HIPK3: variants seen among roughly 807,000 people sequenced by gnomAD.
HIPK3 encodes homeodomain interacting protein kinase 3, also known as homeodomain-interacting protein kinase 3.
In HIPK3, 47 loss-of-function variants were observed where a neutral mutation model predicts 124.2. The ratio of observed to expected loss-of-function variants is 0.38; its 90% CI spans 0.30 to 0.48. The LOEUF is 0.48. Among genes scored for constraint, HIPK3 ranks in the 20% least tolerant of loss-of-function variants. The pLI, the probability that HIPK3 is intolerant of heterozygous loss-of-function variation, is 0.98. For missense variants in HIPK3, 1,286 were observed against 1,454.3 expected, an observed-to-expected ratio of 0.88 and a Z score of 1.88; for synonymous variants, 482 against 515.2, an observed-to-expected ratio of 0.94 and a Z score of 0.87.
At chr11:33,342,789 A>G (rs1590189028) in intron 8 of HIPK3, among the ~76,000 whole-genome samples, 1 of 152,088 alleles carries the variant, frequency 6.6e-6, no homozygotes, top group African/African-American at 2.4e-5. Flanking sequence ...CAGGTGATCC[A>G]CCTGCCTCGG....
chr11:33,350,821 T>C (rs1853636349), intron 14 of HIPK3, among the ~76,000 whole-genome samples: 1 of 152,232 alleles, frequency 6.6e-6, no homozygotes, highest in South Asian at 2.1e-4. Flanking sequence ...GCCAAAGCTC[T>C]ATGGAAAATA....
chr11:33,289,453 AAAGT>A (rs1851642046), intron 2 of HIPK3, among the ~76,000 whole-genome samples: 1 of 152,114 alleles, frequency 6.6e-6, no homozygotes, highest in African/African-American at 2.4e-5. Context: ...AAAAAAAAAT[AAAGT>A]GTGTATTAGG....
chr11:33,312,181 TA>T (rs1303845871), intron 2 of HIPK3, among the ~76,000 whole-genome samples: 1 of 152,162 alleles, frequency 6.6e-6, no homozygotes, highest in Non-Finnish European at 1.5e-5. Context: ...TTTATGTGTA[TA>T]TTTTTTCTAG....
At chr11:33,263,472 C>T (rs1483133512) in intron 1 of HIPK3, among the ~76,000 whole-genome samples, 1 of 152,134 alleles carries the variant, frequency 6.6e-6, no homozygotes, top group Non-Finnish European at 1.5e-5. Flanking sequence ...CCTGCCACCA[C>T]ACCTGGCTAA....
intron 1 of HIPK3, among the ~76,000 whole-genome samples, chr11:33,265,199 G>A (rs909203025): frequency 1.2e-4 from 19 of 152,190 alleles, no homozygotes; most frequent in African/African-American, 4.3e-4. Context: ...ATAACCTATA[G>A]CTATGATGCT....
At chr11:33,300,828 C>T (rs1565073106) in intron 2 of HIPK3, among the ~76,000 whole-genome samples, 1 of 152,110 alleles carries the variant, frequency 6.6e-6, no homozygotes, top group Non-Finnish European at 1.5e-5. Flanking sequence ...TCCACCCCGC[C>T]GGGCTCATAT....
At chr11:33,322,246 G>A (rs1352641252) in intron 2 of HIPK3, among the ~76,000 whole-genome samples, 1 of 152,058 alleles carries the variant, frequency 6.6e-6, no homozygotes, top group Admixed American at 6.6e-5. Flanking sequence ...TGATCTGCCT[G>A]CCTCGGCCTC....
chr11:33,263,402 G>A (rs1850876292), intron 1 of HIPK3, among the ~76,000 whole-genome samples: 1 of 152,154 alleles, frequency 6.6e-6, no homozygotes, highest in East Asian at 1.9e-4. Context: ...TACAACCTCC[G>A]CCTCCGGGGT....
chr11:33,283,639 G>A (rs1274184756), intron 1 of HIPK3, among the ~76,000 whole-genome samples: 1 of 151,798 alleles, frequency 6.6e-6, no homozygotes, highest in Non-Finnish European at 1.5e-5. Context: ...ATTGACTATG[G>A]GCCAGTTACC....
intron 2 of HIPK3, among the ~76,000 whole-genome samples, chr11:33,300,964 C>T (rs1295595125): frequency 6.6e-6 from 1 of 152,078 alleles, no homozygotes; most frequent in African/African-American, 2.4e-5. Flanking sequence ...CTGAAGCAAT[C>T]TGCCAGTGTT....
At chr11:33,271,102 G>A (rs536919776) in intron 1 of HIPK3, among the ~76,000 whole-genome samples, 2 of 152,268 alleles carry the variant, frequency 1.3e-5, no homozygotes, top group East Asian at 1.9e-4. Flanking sequence ...AAATGATACT[G>A]CCTTAGTGGT....
intron 1 of HIPK3, among the ~76,000 whole-genome samples, chr11:33,274,178 C>T (rs1851211603): frequency 6.6e-6 from 1 of 152,164 alleles, no homozygotes; most frequent in South Asian, 2.1e-4. Context: ...TTGCTGTCAG[C>T]AGTGGGCATT....
At chr11:33,307,596 C>T (rs1460215353) in intron 2 of HIPK3, among the ~76,000 whole-genome samples, 1 of 149,768 alleles carries the variant, frequency 6.7e-6, no homozygotes, top group Non-Finnish European at 1.5e-5. Flanking sequence ...TTAGTAGAGA[C>T]GGGGTTTCAC....
chr11:33,272,243 C>T (rs1177551703), intron 1 of HIPK3, among the ~76,000 whole-genome samples: 2 of 151,940 alleles, frequency 1.3e-5, no homozygotes, highest in African/African-American at 2.4e-5. Flanking sequence ...ACTAAAAATT[C>T]GAAAGATTAG....
At position 33,324,913 on chromosome 11, in the gene HIPK3, A is replaced by G. The variant is rs117586915; in HGVS notation, c.1098-3597A>G. Among the ~76,000 whole-genome samples, 542 of 152,220 alleles carry G rather than the reference A, an allele frequency of 3.6e-3. 11 individuals are homozygous for G. The highest frequency in any genetic ancestry group is 0.023 in the East Asian group (118 of 5,186). ...GCTGCCCAGGCATCTTCCCCAGCAA[A>G]TTTCTGGTGTATCTAATTTGCTTCT... On this transcript the variant is annotated intron_variant, in intron 2 of 16. Coordinates refer to ENST00000303296, the MANE Select transcript of HIPK3 (RefSeq NM_005734.5).
chr11:33,351,550 A>C, intron 14 of HIPK3, 58 bp from the exon 15 acceptor site: 1 of 1,186,524 alleles, frequency 8.4e-7, no homozygotes, highest in Non-Finnish European at 1.2e-6. Context: ...ATATTACTTA[A>C]CATTAGATTT....
At chr11:33,258,491 G>A (rs1194926141) in intron 1 of HIPK3, 2 of 985,386 alleles carry the variant, frequency 2.0e-6, no homozygotes, top group Admixed American at 1.2e-4. Flanking sequence ...TTGTTGGGGA[G>A]GAGAAATGTG....
chr11:33,339,263 A>G, intron 5 of HIPK3, 87 bp from the exon 6 acceptor site: 1 of 962,220 alleles, frequency 1.0e-6, no homozygotes, highest in Non-Finnish European at 1.6e-6. Context: ...CTGTGTTGTG[A>G]TTTTTGTTTT....
At chr11:33,271,803 AAATC>A (rs1006759612) in intron 1 of HIPK3, among the ~76,000 whole-genome samples, 2 of 152,212 alleles carry the variant, frequency 1.3e-5, no homozygotes, top group African/African-American at 4.8e-5. Flanking sequence ...GTATTTAAAA[AAATC>A]TCTTCAGCCA....
Sources: gnomAD v4.1 joint callset for allele counts (sites outside exome capture counted in the v4.1 genomes callset) on GRCh38, gnomAD v4.1.1 for gene constraint, MANE v1.5 for transcripts, NCBI Gene and HGNC (gene_info 2026-07-23, HGNC 2026-07-21) for gene names.